Variants in AHCYL2 observed in about 807,000 individuals in gnomAD.
AHCYL2 encodes S-adenosylhomocysteine hydrolase-like protein 2.
A neutral mutation model predicts 81.4 loss-of-function variants in AHCYL2; 28 were observed. That is an observed-to-expected ratio of 0.34 (90% CI 0.25 to 0.47). The LOEUF (loss-of-function observed/expected upper bound fraction) is 0.47. Among genes scored for constraint, AHCYL2 ranks in the 20% least tolerant of loss-of-function variants. AHCYL2 has a pLI of 1.00. For missense variants in AHCYL2, 551 were observed against 785.1 expected (o/e 0.70, Z 3.56); for synonymous variants, 272 against 290.2 (o/e 0.94, Z 0.64).
chr7:129,397,312 C>G lies in AHCYL2; in HGVS notation c.811C>G (p.Leu271Val), dbSNP rs905928030. The change falls in exon 5 of 17, where the codon CTA becomes GTA. Residue 271 changes from leucine (L) to valine (V), a missense_variant. Around this residue, in one of 2 missense-constraint regions of AHCYL2, gnomAD observed 316 missense variants for 543.1 expected, o/e 0.58. Coordinates refer to ENST00000325006, the MANE Select transcript of AHCYL2 (RefSeq NM_015328.4). ...YSTLNEVAAA[L>V]AESGFPVFAW... ...CACTCTCAATGAAGTGGCTGCTGCTCTAGCAGAAAGTGGTAAGAGCTTATT... is the reference window on the plus strand; with the variant it reads ...CACTCTCAATGAAGTGGCTGCTGCTGTAGCAGAAAGTGGTAAGAGCTTATT... 2 of 1,613,932 alleles carry G rather than the reference C, an allele frequency of 1.2e-6. No individual in the cohort carries two copies. Among genetic ancestry groups the G allele is most frequent in the African/African-American group, 1.3e-5 (1 of 74,918 alleles).
At chr7:129,387,962 T>G (rs1006193421) in intron 2 of AHCYL2, 1 of 152,230 alleles carries the variant, frequency 6.6e-6, no homozygotes, top group Non-Finnish European at 1.5e-5. Flanking sequence ...AGGTCAGACT[T>G]GCCTTTTACA....
chr7:129,269,587 T>A (rs774691305), intron 1 of AHCYL2, among the ~76,000 whole-genome samples: 6 of 3,916 alleles, frequency 1.5e-3, no homozygotes, highest in Non-Finnish European at 2.5e-3. Flanking sequence ...GTGCCGGTTT[T>A]GTTTTGTTTT....
At chr7:129,397,756 A>T (rs935856794) in intron 5 of AHCYL2, among the ~76,000 whole-genome samples, 1 of 152,240 alleles carries the variant, frequency 6.6e-6, no homozygotes, top group Non-Finnish European at 1.5e-5. Context: ...GACCTGGCAG[A>T]TTAATATTTG....
intron 11 of AHCYL2, chr7:129,410,179 C>A (rs1433360328): frequency 6.2e-6 from 10 of 1,611,180 alleles, no homozygotes; most frequent in Non-Finnish European, 8.5e-6. Flanking sequence ...TATAACCAAT[C>A]CGATCATTGA....
intron 1 of AHCYL2, among the ~76,000 whole-genome samples, chr7:129,277,160 C>G (rs1317343600): frequency 6.6e-6 from 1 of 151,044 alleles, no homozygotes; most frequent in African/African-American, 2.4e-5. Flanking sequence ...AATTGACAAA[C>G]AAAAAACTGC....
rs927594228 is a variant in AHCYL2, at chr7:129,394,226, G to C, written c.721-2996G>C. On this transcript the variant is annotated intron_variant, in intron 4 of 16. Transcript: ENST00000325006. Reference sequence around the variant, plus strand: ...AGATCTTGCTGTGATGCCCAGGCTGGTCTCAAACTCCTGGCCTCAAGCGAT... The same window carrying C: ...AGATCTTGCTGTGATGCCCAGGCTGCTCTCAAACTCCTGGCCTCAAGCGAT... 8.6e-4 allele frequency among the ~76,000 whole-genome samples: 130 copies of C among 151,990 alleles called. 2 individuals carry two copies. Among genetic ancestry groups the C allele is most frequent in the African/African-American group, 3.0e-3 (123 of 41,482 alleles).
intron 1 of AHCYL2, among the ~76,000 whole-genome samples, chr7:129,231,669 T>A (rs1476528243): frequency 1.3e-5 from 2 of 152,232 alleles, no homozygotes; most frequent in African/African-American, 4.8e-5. Context: ...ACAAGAGGTT[T>A]AGTAAACTTG....
At chr7:129,304,588 T>C (rs1797361747) in intron 1 of AHCYL2, among the ~76,000 whole-genome samples, 1 of 152,244 alleles carries the variant, frequency 6.6e-6, no homozygotes, top group South Asian at 2.1e-4. Context: ...ATATTTAAAA[T>C]GGCTACATCT....
rs1237035353 is a variant in AHCYL2 at position 129,413,693 on chromosome 7, G to A, written c.1461+5G>A. 2.5e-6 allele frequency: 4 copies of A among 1,613,006 alleles called. No individual in the cohort carries two copies. The highest frequency in any genetic ancestry group is 3.4e-6 in the Non-Finnish European group (4 of 1,179,140). Reference sequence around the variant, plus strand: ...TCCAACACAGAGATTGACGTGGTAAGATCAAGTAGCTCATTATTGGGGGCT... The same window carrying A: ...TCCAACACAGAGATTGACGTGGTAAAATCAAGTAGCTCATTATTGGGGGCT... On this transcript the variant is annotated splice_donor_5th_base_variant and intron_variant, in intron 12 of 16. Coordinates refer to ENST00000325006, the MANE Select transcript of AHCYL2 (RefSeq NM_015328.4).
intron 1 of AHCYL2, among the ~76,000 whole-genome samples, chr7:129,352,897 C>T (rs767769271): frequency 2.7e-5 from 4 of 148,022 alleles, no homozygotes; most frequent in Non-Finnish European, 4.5e-5. Context: ...AATTCCTTAG[C>T]TTATAAGGCC....
intron 13 of AHCYL2, among the ~76,000 whole-genome samples, chr7:129,423,409 G>T (rs894414710): frequency 2.6e-5 from 4 of 152,138 alleles, no homozygotes; most frequent in Non-Finnish European, 5.9e-5. Context: ...TGAGTAGTAG[G>T]TACCTACCTA....
In AHCYL2 at chr7:129,349,064, T is replaced by G. The variant is rs916461110; in HGVS notation, c.364-30574T>G. ...GGCTGACTTTTATTCCTCACAACTTTTATCTTTTCTAAATATATCATGTCT... is the reference window on the plus strand; with the variant it reads ...GGCTGACTTTTATTCCTCACAACTTGTATCTTTTCTAAATATATCATGTCT... On this transcript the variant is annotated intron_variant, in intron 1 of 16. Coordinates refer to ENST00000325006, the MANE Select transcript of AHCYL2 (RefSeq NM_015328.4). Among the ~76,000 whole-genome samples the G allele has an allele frequency of 4.6e-5, 7 of 152,338 alleles. No individual in the cohort carries two copies. The East Asian group carries it at 1.3e-3, about 29-fold the overall frequency.
rs781188275 is a variant in AHCYL2 at position 129,368,566 on chromosome 7, C to T, written c.364-11072C>T. Reference sequence around the variant, plus strand: ...CTGAGTGGATGGTGAGTTCACTGGTCGTTTTGTTTCTCCTTCTGTTTCTTG... The same window carrying T: ...CTGAGTGGATGGTGAGTTCACTGGTTGTTTTGTTTCTCCTTCTGTTTCTTG... On this transcript the variant is annotated intron_variant, in intron 1 of 16. Transcript: ENST00000325006. The surrounding 1 kb of genome is among the most constrained non-coding windows in gnomAD (Gnocchi z 4.4). 9 of 1,613,740 alleles carry T rather than the reference C, an allele frequency of 5.6e-6. No homozygotes were observed. Among genetic ancestry groups the T allele is most frequent in the South Asian group, 3.3e-5 (3 of 91,050 alleles).
chr7:129,287,098 T>TA, intron 1 of AHCYL2, among the ~76,000 whole-genome samples: 1 of 152,126 alleles, frequency 6.6e-6, no homozygotes, highest in South Asian at 2.1e-4. Flanking sequence ...GCCAAATTCA[T>TA]AAAAAACTGT....
intron 1 of AHCYL2, among the ~76,000 whole-genome samples, chr7:129,370,645 C>A (rs1794360995): frequency 6.6e-6 from 1 of 152,222 alleles, no homozygotes; most frequent in Non-Finnish European, 1.5e-5. Flanking sequence ...TTACAGTGAG[C>A]TGAGATCGCG....
intron 12 of AHCYL2, among the ~76,000 whole-genome samples, chr7:129,421,193 A>C (rs940777515): frequency 6.6e-6 from 1 of 151,748 alleles, no homozygotes. Flanking sequence ...CAGAGGTTGC[A>C]GTGAGCTAAG....
At chr7:129,271,718 A>G (rs1796024064) in intron 1 of AHCYL2, among the ~76,000 whole-genome samples, 1 of 152,216 alleles carries the variant, frequency 6.6e-6, no homozygotes. Flanking sequence ...TACTTCCTCC[A>G]TTTAATAGAA....
At chr7:129,324,023 A>G (rs1283356764) in intron 1 of AHCYL2, among the ~76,000 whole-genome samples, 1 of 151,118 alleles carries the variant, frequency 6.6e-6, no homozygotes, top group African/African-American at 2.4e-5. Flanking sequence ...GGCACCCGCC[A>G]TTGTGCCTGG....
At chr7:129,347,130 G>A (rs1793389718) in intron 1 of AHCYL2, among the ~76,000 whole-genome samples, 1 of 152,150 alleles carries the variant, frequency 6.6e-6, no homozygotes, top group African/African-American at 2.4e-5. Flanking sequence ...CAGGGGCTGG[G>A]AGAAGGGAAG....
Sources: allele counts gnomAD v4.1 joint callset (sites outside exome capture counted in the v4.1 genomes callset), GRCh38; gene constraint gnomAD v4.1.1; regional missense constraint gnomAD v4.1.1; non-coding constraint Gnocchi (gnomAD v3.1); transcripts MANE v1.5; gene names NCBI Gene and HGNC (gene_info 2026-07-23, HGNC 2026-07-21).